Variants in AGBL4 observed in about 807,000 individuals in gnomAD.
AGBL4 encodes AGBL carboxypeptidase 4, also known as cytosolic carboxypeptidase 6.
Under a neutral mutation model 66.4 loss-of-function variants are expected in AGBL4, and 58 were observed. That is an observed-to-expected ratio of 0.87 (90% CI 0.71 to 1.09). AGBL4 has a LOEUF of 1.09. Among genes scored for constraint, AGBL4 ranks in the 50% least tolerant of loss-of-function variants. The probability of loss-of-function intolerance (pLI) is 0.00; values close to 1 mark genes in which losing one functional copy is unlikely to be tolerated. For missense variants in AGBL4, 579 were observed against 631.0 expected (o/e 0.92, Z 0.88); for synonymous variants, 234 against 222.9 (o/e 1.05, Z -0.44).
At chr1:48,983,186 G>C (rs1446261794) in intron 5 of AGBL4, among the ~76,000 whole-genome samples, 1 of 151,942 alleles carries the variant, frequency 6.6e-6, no homozygotes, top group African/African-American at 2.4e-5. Context: ...TGAAAGCCAA[G>C]AACATTCTAA....
chr1:48,798,768 G>GTGTC (rs1645747635), intron 6 of AGBL4, among the ~76,000 whole-genome samples: 1 of 152,142 alleles, frequency 6.6e-6, no homozygotes, highest in African/African-American at 2.4e-5. Context: ...GTTGGATAGG[G>GTGTC]TGTCCTTTCC....
chr1:49,950,795 C>A (rs1656086255), intron 1 of AGBL4, among the ~76,000 whole-genome samples: 1 of 151,666 alleles, frequency 6.6e-6, no homozygotes, highest in South Asian at 2.1e-4. Context: ...AAGTTCATTG[C>A]AGCATTATTT....
chr1:49,793,945 A>T (rs1237480138), intron 2 of AGBL4, among the ~76,000 whole-genome samples: 1 of 151,978 alleles, frequency 6.6e-6, no homozygotes, highest in East Asian at 1.9e-4. Context: ...TTCAAGAAAG[A>T]GAGAAGTCTA....
intron 6 of AGBL4, among the ~76,000 whole-genome samples, chr1:48,836,240 C>T (rs1452604390): frequency 1.3e-5 from 2 of 150,936 alleles, no homozygotes; most frequent in African/African-American, 4.9e-5. Context: ...TGCACAAATC[C>T]CTTTCTGGGG....
intron 3 of AGBL4, among the ~76,000 whole-genome samples, chr1:49,523,524 ATTTG>A (rs1227810829): frequency 6.6e-6 from 1 of 152,022 alleles, no homozygotes; most frequent in African/African-American, 2.4e-5. Context: ...AAAAACTGGT[ATTTG>A]TTTGATTTCT....
intron 1 of AGBL4, among the ~76,000 whole-genome samples, chr1:49,890,026 G>A (rs931382885): frequency 2.4e-4 from 37 of 152,100 alleles, no homozygotes; most frequent in African/African-American, 8.0e-4. Context: ...TGAATCAATC[G>A]GGATTCAAAG....
At chr1:48,748,540 A>G (rs1319281432) in intron 6 of AGBL4, among the ~76,000 whole-genome samples, 1 of 152,146 alleles carries the variant, frequency 6.6e-6, no homozygotes, top group East Asian at 1.9e-4. Flanking sequence ...GAGACTAGGA[A>G]ATCTTCATAA....
intron 2 of AGBL4, among the ~76,000 whole-genome samples, chr1:49,786,009 A>T (rs1421332528): frequency 6.6e-6 from 1 of 151,906 alleles, no homozygotes; most frequent in East Asian, 1.9e-4. Context: ...ATTGTCAAAT[A>T]TGAAAGCAGA....
At chr1:49,504,634 T>C (rs1648510767) in intron 3 of AGBL4, among the ~76,000 whole-genome samples, 1 of 152,114 alleles carries the variant, frequency 6.6e-6, no homozygotes, top group African/African-American at 2.4e-5. Flanking sequence ...TTAAAGTCTA[T>C]TTTATATGAT....
At chr1:48,631,908 T>G (rs957360764) in intron 9 of AGBL4, among the ~76,000 whole-genome samples, 1 of 152,198 alleles carries the variant, frequency 6.6e-6, no homozygotes, top group African/African-American at 2.4e-5. Context: ...GAAGTCATAC[T>G]TTGTGCTTTT....
At chr1:49,354,760 C>T (rs1371140946) in intron 3 of AGBL4, among the ~76,000 whole-genome samples, 1 of 152,126 alleles carries the variant, frequency 6.6e-6, no homozygotes, top group African/African-American at 2.4e-5. Context: ...AAAACATAAG[C>T]TTCTAAATAA....
At chr1:49,529,434 C>A (rs907482267) in intron 3 of AGBL4, among the ~76,000 whole-genome samples, 1 of 152,062 alleles carries the variant, frequency 6.6e-6, no homozygotes, top group Non-Finnish European at 1.5e-5. Flanking sequence ...AATCCCAGCA[C>A]TTTGGGAGGC....
At chr1:48,697,958 T>G (rs1280028543) in intron 6 of AGBL4, among the ~76,000 whole-genome samples, 1 of 152,204 alleles carries the variant, frequency 6.6e-6, no homozygotes, top group Admixed American at 6.5e-5. Flanking sequence ...CACAACTGGA[T>G]CCCTCAGCCG....
At chr1:49,708,336 G>A (rs1647368655) in intron 2 of AGBL4, among the ~76,000 whole-genome samples, 1 of 151,734 alleles carries the variant, frequency 6.6e-6, no homozygotes, top group African/African-American at 2.4e-5. Context: ...TCTTCTGCTT[G>A]ATCAATTTGG....
At chr1:49,035,694 C>T (rs1384509736) in intron 5 of AGBL4, among the ~76,000 whole-genome samples, 2 of 152,022 alleles carry the variant, frequency 1.3e-5, no homozygotes, top group East Asian at 1.9e-4. Context: ...TAACAACAGC[C>T]TGACTATCAC....
chr1:49,111,813 C>G (rs1010471645), intron 4 of AGBL4, among the ~76,000 whole-genome samples: 24 of 152,266 alleles, frequency 1.6e-4, no homozygotes, highest in African/African-American at 5.5e-4. Flanking sequence ...AGTCTGTGCT[C>G]AGTAAATATC....
rs531373615 is a variant in AGBL4 at position 48,572,462 on chromosome 1, G to C, written c.1267+14542C>G. Among the ~76,000 whole-genome samples, 31 of 152,098 alleles carry C rather than the reference G, an allele frequency of 2.0e-4. 1 individual carries two copies. The East Asian group carries it at 5.8e-3, about 29-fold the overall frequency. Reference sequence around the variant, plus strand: ...AGGTGGGAGGAAAGAAGGGAGGTTGGGTGGGGGGAGAAGATAAAAAGTGGA... The same window carrying C: ...AGGTGGGAGGAAAGAAGGGAGGTTGCGTGGGGGGAGAAGATAAAAAGTGGA... On this transcript the variant is annotated intron_variant, in intron 11 of 13. Coordinates refer to ENST00000371839, the MANE Select transcript of AGBL4 (RefSeq NM_032785.4).
chr1:49,008,432 A>C (rs1182892257), intron 5 of AGBL4, among the ~76,000 whole-genome samples: 1 of 150,624 alleles, frequency 6.6e-6, no homozygotes, highest in African/African-American at 2.4e-5. Context: ...ATAATGGGAG[A>C]CTTTAACACC....
chr1:49,977,208 C>T (rs1394084493), intron 1 of AGBL4, among the ~76,000 whole-genome samples: 1 of 151,772 alleles, frequency 6.6e-6, no homozygotes, highest in Admixed American at 6.6e-5. Context: ...CTCCCAAATT[C>T]CATGAGCTTC....
Sources: allele counts gnomAD v4.1 joint callset (sites outside exome capture counted in the v4.1 genomes callset), GRCh38; gene constraint gnomAD v4.1.1; transcripts MANE v1.5; gene names NCBI Gene and HGNC (gene_info 2026-07-23, HGNC 2026-07-21).